Variants in MYO3B observed in about 807,000 individuals in gnomAD.
MYO3B encodes the protein myosin-IIIb.
A neutral mutation model predicts 174.6 loss-of-function variants in MYO3B; 156 were observed. The observed-to-expected ratio is 0.89, with a 90% CI of 0.78 to 1.02. The LOEUF is 1.02. Among genes scored for constraint, MYO3B ranks in the 50% least tolerant of loss-of-function variants. The probability of loss-of-function intolerance (pLI) is 0.00; values close to 1 mark genes in which losing one functional copy is unlikely to be tolerated. For missense variants in MYO3B, 1,632 were observed against 1,639.4 expected, an observed-to-expected ratio of 1.00 and a Z score of 0.08; for synonymous variants, 563 against 569.1, an observed-to-expected ratio of 0.99 and a Z score of 0.15.
intron 32 of MYO3B, among the ~76,000 whole-genome samples, chr2:170,587,382 A>C (rs1174959982): frequency 6.6e-6 from 1 of 152,218 alleles, no homozygotes; most frequent in African/African-American, 2.4e-5. Flanking sequence ...CTAAGTGTAC[A>C]AAACTTATGG....
intron 30 of MYO3B, among the ~76,000 whole-genome samples, chr2:170,541,371 G>T (rs1690094927): frequency 6.6e-6 from 1 of 152,158 alleles, no homozygotes; most frequent in Non-Finnish European, 1.5e-5. Context: ...GAAGGGTATA[G>T]AATATATTAT....
Position 170,466,411 on chromosome 2 carries a change from C to T in MYO3B, c.2809-95C>T. ...GTTCTTCCTCAAGAAGGTCTGTGAG[C>T]CTCGAACTGCTCCAGAGGCTTCTGC... On this transcript the variant is annotated intron_variant, in intron 24 of 34. Coordinates refer to ENST00000408978, the MANE Select transcript of MYO3B (RefSeq NM_138995.5). The T allele has an allele frequency of 3.5e-6, 4 of 1,134,572 alleles. No individual in the cohort carries two copies. In the South Asian group the frequency reaches 4.2e-5, roughly 12 times the overall value. 70.3% of individuals were successfully genotyped at this position (1,134,572 alleles called of 1,614,324 possible).
At chr2:170,632,318 A>G (rs1575299295) in intron 32 of MYO3B, among the ~76,000 whole-genome samples, 1 of 152,368 alleles carries the variant, frequency 6.6e-6, no homozygotes, top group Non-Finnish European at 1.5e-5. Flanking sequence ...CTCAGGATTA[A>G]GAAACTCACT....
At position 170,531,225 on chromosome 2, in the gene MYO3B, C is replaced by T. The variant is rs1173061338; in HGVS notation, c.3576-11681C>T. ...ACATGTAGACAGTTTCCAAATGCCC[C>T]ATTTGTAAAAATGCAAAAAGTTCAG... On this transcript the variant is annotated intron_variant, in intron 30 of 34. Coordinates refer to ENST00000408978, the MANE Select transcript of MYO3B (RefSeq NM_138995.5). Among the ~76,000 whole-genome samples, 3 of 152,156 alleles carry T rather than the reference C, an allele frequency of 2.0e-5. No homozygotes were observed. In the East Asian group the frequency reaches 5.8e-4, roughly 29 times the overall value.
intron 32 of MYO3B, among the ~76,000 whole-genome samples, chr2:170,573,013 A>T (rs1180849825): frequency 6.6e-6 from 1 of 151,934 alleles, no homozygotes; most frequent in African/African-American, 2.4e-5. Flanking sequence ...TGTTTTAGTG[A>T]TCAGAGCTAG....
chr2:170,236,223 C>A, intron 7 of MYO3B, 87 bp downstream of exon 7: 2 of 1,533,618 alleles, frequency 1.3e-6, no homozygotes, highest in Non-Finnish European at 1.8e-6. Flanking sequence ...CAAGCAATTT[C>A]TCTCCAAACC....
chr2:170,190,011 T>C (rs917992507), intron 1 of MYO3B, among the ~76,000 whole-genome samples: 1 of 152,194 alleles, frequency 6.6e-6, no homozygotes, highest in Non-Finnish European at 1.5e-5. Flanking sequence ...GACATGAGTG[T>C]TGTGATCTAA....
At chr2:170,418,564 A>G (rs956526544) in intron 22 of MYO3B, among the ~76,000 whole-genome samples, 12 of 152,198 alleles carry the variant, frequency 7.9e-5, no homozygotes, top group Admixed American at 6.5e-5. Context: ...ATAACAGCCA[A>G]TGTTTACAAC....
intron 32 of MYO3B, among the ~76,000 whole-genome samples, chr2:170,642,108 A>G (rs1242642761): frequency 6.6e-6 from 1 of 152,168 alleles, no homozygotes; most frequent in Non-Finnish European, 1.5e-5. Context: ...AAAACATCCC[A>G]ATTAACCGTC....
At chr2:170,318,440 T>C (rs1025371972) in intron 7 of MYO3B, among the ~76,000 whole-genome samples, 2 of 152,140 alleles carry the variant, frequency 1.3e-5, no homozygotes, top group African/African-American at 4.8e-5. Context: ...GGACTAGGAA[T>C]TGGTGGCACA....
chr2:170,253,791 A>G (rs1471456434), intron 7 of MYO3B, among the ~76,000 whole-genome samples: 1 of 151,604 alleles, frequency 6.6e-6, no homozygotes, highest in Non-Finnish European at 1.5e-5. Flanking sequence ...AACTGTATCA[A>G]ATGCTCCTGA....
intron 32 of MYO3B, among the ~76,000 whole-genome samples, chr2:170,550,954 G>T (rs550602415): frequency 5.9e-5 from 9 of 152,010 alleles, no homozygotes; most frequent in Non-Finnish European, 1.2e-4. Flanking sequence ...GCTGCAGTGC[G>T]GTGGCATGAT....
intron 9 of MYO3B, among the ~76,000 whole-genome samples, chr2:170,380,242 G>A (rs919428057): frequency 6.7e-6 from 1 of 150,206 alleles, no homozygotes; most frequent in Non-Finnish European, 1.5e-5. Context: ...GACAGTTTAT[G>A]TATGATTTTG....
intron 25 of MYO3B, among the ~76,000 whole-genome samples, chr2:170,487,337 CTGTTTA>C (rs1336301619): frequency 6.6e-6 from 1 of 152,158 alleles, no homozygotes; most frequent in East Asian, 1.9e-4. Context: ...CTTCATATTT[CTGTTTA>C]TGTTTGTCTT....
chr2:170,241,392 T>C (rs988567961), intron 7 of MYO3B, among the ~76,000 whole-genome samples: 13 of 152,198 alleles, frequency 8.5e-5, no homozygotes, highest in Non-Finnish European at 1.3e-4. Flanking sequence ...GCTTTCCAAG[T>C]TCGAAACTAC....
chr2:170,382,027 T>A lies in MYO3B; in HGVS notation c.983T>A (p.Met328Lys). 1.2e-6 allele frequency: 2 copies of A among 1,613,046 alleles called. No individual in the cohort carries two copies. The highest frequency in any genetic ancestry group is 1.7e-6 in the Non-Finnish European group (2 of 1,179,196). The change falls in exon 10 of 35, where the codon ATG (methionine) becomes AAG (lysine). Residue 328 changes from methionine to lysine, a missense_variant. Physicochemically the swap from Met to Lys is moderately conservative, Grantham distance 95. Transcript: ENST00000408978. ...TGATAAATTTCTAGGCATGAGAGGA[T>A]GCATACCAGAAGACCTTATCATGTG... ...NPVAKTRHERMHTRRPYHVED... is the reference protein window; with the variant it reads ...NPVAKTRHERKHTRRPYHVED...
chr2:170,639,734 G>A (rs994274764), intron 32 of MYO3B, among the ~76,000 whole-genome samples: 5 of 152,136 alleles, frequency 3.3e-5, no homozygotes, highest in Non-Finnish European at 5.9e-5. Context: ...AGTCTCCCTA[G>A]GTCAGAATGC....
chr2:170,448,227 C>T (rs551802466), intron 23 of MYO3B, among the ~76,000 whole-genome samples: 3 of 152,328 alleles, frequency 2.0e-5, no homozygotes, highest in African/African-American at 7.2e-5. Flanking sequence ...TAAGTTCCTC[C>T]TGAAGTTAGT....
At chr2:170,402,156 T>A (rs1232194074) in intron 18 of MYO3B, among the ~76,000 whole-genome samples, 1 of 152,202 alleles carries the variant, frequency 6.6e-6, no homozygotes, top group East Asian at 1.9e-4. Context: ...AGGTTGCAAT[T>A]TTTTGAATTT....
Sources: allele counts gnomAD v4.1 joint callset (sites outside exome capture counted in the v4.1 genomes callset), GRCh38; gene constraint gnomAD v4.1.1; transcripts MANE v1.5; gene names NCBI Gene and HGNC (gene_info 2026-07-23, HGNC 2026-07-21).